The following TMOD1 variants were observed in gnomAD, a reference collection of about 807,000 sequenced individuals.
TMOD1 encodes tropomodulin-1.
In TMOD1, 17 loss-of-function variants were observed where a neutral mutation model predicts 40.6. The observed-to-expected ratio is 0.42, with a 90% CI of 0.29 to 0.63. The LOEUF (loss-of-function observed/expected upper bound fraction) is 0.63, where lower values mean the gene tolerates loss of function less well. Among genes scored for constraint, TMOD1 ranks in the 20% least tolerant of loss-of-function variants. The probability of loss-of-function intolerance (pLI) is 0.22; values close to 1 mark genes in which losing one functional copy is unlikely to be tolerated. For missense variants in TMOD1, 391 were observed against 447.6 expected (o/e 0.87, Z 1.14); for synonymous variants, 181 against 175.0 (o/e 1.03, Z -0.27).
rs1224872825 is a variant in TMOD1 at position 97,595,363 on chromosome 9, T to C, written c.1015+3928T>C. Among the ~76,000 whole-genome samples, 3 of 152,188 alleles carry C rather than the reference T, an allele frequency of 2.0e-5. No individual in the cohort carries two copies. In the East Asian group the frequency reaches 5.8e-4, roughly 29 times the overall value. On this transcript the variant is annotated intron_variant, in intron 9 of 9. Transcript: ENST00000259365. ...CTGAGATTTTTGTATCCTGTGGCCA[T>C]TATCTCCCCATTCCCCACCCACAGC...
At chr9:97,515,811 C>G (rs1458171388) in intron 1 of TMOD1, among the ~76,000 whole-genome samples, 1 of 152,030 alleles carries the variant, frequency 6.6e-6, no homozygotes, top group East Asian at 1.9e-4. Flanking sequence ...CAGTTCAGCT[C>G]TCTCCCTCTC....
intron 1 of TMOD1, among the ~76,000 whole-genome samples, chr9:97,506,191 A>C (rs1267912673): frequency 6.6e-6 from 1 of 152,114 alleles, no homozygotes; most frequent in Non-Finnish European, 1.5e-5. Flanking sequence ...AAAGTTCTTC[A>C]TTGATTTACC....
At chr9:97,597,248 G>A in intron 9 of TMOD1, among the ~76,000 whole-genome samples, 1 of 152,242 alleles carries the variant, frequency 6.6e-6, no homozygotes, top group East Asian at 1.9e-4. Context: ...GATATTGGGA[G>A]ACCCAGCTTT....
chr9:97,599,813 G>GTTCT lies in TMOD1; in HGVS notation c.*118_*121dup. The GTTCT allele has an allele frequency of 1.3e-6, 2 of 1,569,346 alleles. No homozygotes were observed. The highest frequency in any genetic ancestry group is 2.3e-5 in the South Asian group (2 of 87,518). On this transcript the variant is annotated 3_prime_UTR_variant, in exon 10 of 10. Coordinates refer to ENST00000259365, the MANE Select transcript of TMOD1 (RefSeq NM_003275.4). The stretch of plus-strand genomic sequence containing the variant: ...CAGCATGAAACCCTTTTGTGGTTCA[G>GTTCT]TTCTTTATGCACTAAGGTTTTAGGT...
chr9:97,599,777 C>CA lies in TMOD1; in HGVS notation c.*83dup. On this transcript the variant is annotated 3_prime_UTR_variant, in exon 10 of 10. Transcript: ENST00000259365. The stretch of plus-strand genomic sequence containing the variant: ...GTGCTCTGCAGGGGAAACCAGAAGG[C>CA]AAAATGCTGGCAGCATGAAACCCTT... 6.2e-7 allele frequency: 1 copy of CA among 1,606,720 alleles called. No individual in the cohort carries two copies. Among genetic ancestry groups the CA allele is most frequent in the African/African-American group, 1.3e-5 (1 of 74,904 alleles).
At chr9:97,548,875 G>C (rs1459545681) in intron 3 of TMOD1, among the ~76,000 whole-genome samples, 1 of 152,184 alleles carries the variant, frequency 6.6e-6, no homozygotes, top group South Asian at 2.1e-4. Flanking sequence ...GGAGGTCTCA[G>C]AGCCAGTGGG....
Position 97,538,778 on chromosome 9 carries a change from C to T in TMOD1, c.121-7407C>T, listed in dbSNP as rs551724193. 2.0e-4 allele frequency among the ~76,000 whole-genome samples: 31 copies of T among 151,424 alleles called. 1 individual carries two copies. The South Asian group carries it at 5.8e-3, about 29-fold the overall frequency. ...TTGGGAGGCCAAGGTGGGTGGATCACGAGATCAGGAGTTTGACACCAGCCT... is the reference window on the plus strand; with the variant it reads ...TTGGGAGGCCAAGGTGGGTGGATCATGAGATCAGGAGTTTGACACCAGCCT... On this transcript the variant is annotated intron_variant, in intron 2 of 9. Coordinates refer to ENST00000259365, the MANE Select transcript of TMOD1 (RefSeq NM_003275.4).
chr9:97,569,198 C>T (rs935539100), intron 8 of TMOD1, among the ~76,000 whole-genome samples, 161 bp downstream of exon 8: 7 of 152,184 alleles, frequency 4.6e-5, no homozygotes, highest in African/African-American at 7.2e-5. Context: ...CCCTCTACCA[C>T]GCTCACCTTC....
chr9:97,561,804 C>T (rs10982745), intron 4 of TMOD1, among the ~76,000 whole-genome samples: 28,877 of 152,186 alleles, frequency 0.19, 3,358 homozygotes, highest in Non-Finnish European at 0.25. Flanking sequence ...CTCTCTGAAC[C>T]TCGAGGCTTT....
At chr9:97,572,596 G>C (rs372854475) in intron 8 of TMOD1, among the ~76,000 whole-genome samples, 9 of 152,264 alleles carry the variant, frequency 5.9e-5, no homozygotes, top group African/African-American at 2.2e-4. Flanking sequence ...GCCCCAGGCT[G>C]GGGGGAGGCA....
At chr9:97,559,709 G>A (rs1377631943) in intron 4 of TMOD1, among the ~76,000 whole-genome samples, 4 of 145,328 alleles carry the variant, frequency 2.8e-5, no homozygotes, top group Admixed American at 1.4e-4. Flanking sequence ...AGGTTGCAGC[G>A]AGCCAAGATC....
intron 8 of TMOD1, among the ~76,000 whole-genome samples, chr9:97,582,165 T>C (rs1169581638): frequency 1.3e-5 from 2 of 151,920 alleles, no homozygotes; most frequent in South Asian, 2.1e-4. Context: ...CCATCTTGAA[T>C]TGATTTTTGT....
rs148416385 is a variant in TMOD1, at chr9:97,529,859, G to A, written c.120+5551G>A. On this transcript the variant is annotated intron_variant, in intron 2 of 9. Transcript: ENST00000259365. ...TACAGTTTTCATATGAGTAATAGACGCTCAATACTTCCTGGGTGTGCCATA... is the reference window on the plus strand; with the variant it reads ...TACAGTTTTCATATGAGTAATAGACACTCAATACTTCCTGGGTGTGCCATA... 1.4e-3 allele frequency among the ~76,000 whole-genome samples: 214 copies of A among 152,302 alleles called. 1 individual carries two copies. The highest frequency in any genetic ancestry group is 4.5e-3 in the African/African-American group (187 of 41,560).
chr9:97,551,366 G>A (rs4743105), intron 3 of TMOD1, among the ~76,000 whole-genome samples: 112,285 of 152,024 alleles, frequency 0.74, 42,099 homozygotes, highest in Middle Eastern at 0.87. Context: ...ATTCCATTTT[G>A]AGTTCAACTT....
intron 3 of TMOD1, among the ~76,000 whole-genome samples, chr9:97,548,803 C>G (rs541471547): frequency 2.0e-5 from 3 of 152,334 alleles, no homozygotes; most frequent in African/African-American, 7.2e-5. Context: ...TCATCGTCAT[C>G]ATCATCATCA....
In TMOD1 at chr9:97,600,339, ATTTCAAG is replaced by A; in HGVS notation, c.*648_*654del. On this transcript the variant is annotated 3_prime_UTR_variant, in exon 10 of 10. Transcript: ENST00000259365. Reference sequence around the variant, plus strand: ...TGATAGGAAAAAAACCAATGGTGAAATTTCAAGTTTCAAAAACCAACCTTTCATTACC... The same window carrying A: ...TGATAGGAAAAAAACCAATGGTGAAATTTCAAAAACCAACCTTTCATTACC... The A allele has an allele frequency of 1.0e-6, 1 of 986,142 alleles. No individual in the cohort carries two copies. Among genetic ancestry groups the A allele is most frequent in the Non-Finnish European group, 1.2e-6 (1 of 830,194 alleles). The allele number at this position is 986,142 out of a possible 1,614,324, so 61.1% of individuals were successfully genotyped here. A position where few individuals can be genotyped will look rare whatever the true frequency, so the allele number is the denominator to read the frequency against.
intron 4 of TMOD1, among the ~76,000 whole-genome samples, chr9:97,558,679 A>G (rs1419848447): frequency 6.6e-6 from 1 of 152,126 alleles, no homozygotes; most frequent in Non-Finnish European, 1.5e-5. Context: ...CCTGGCCTCA[A>G]GAGATCCACC....
At chr9:97,530,787 CT>C (rs57086657) in intron 2 of TMOD1, among the ~76,000 whole-genome samples, 1,569 of 90,868 alleles carry the variant, frequency 0.017, 12 homozygotes, top group Non-Finnish European at 0.024. Context: ...CCGGGCCCGG[CT>C]TTTTTTTTTT....
chr9:97,580,117 G>A (rs938957752), intron 8 of TMOD1, among the ~76,000 whole-genome samples: 1 of 152,178 alleles, frequency 6.6e-6, no homozygotes, highest in African/African-American at 2.4e-5. Flanking sequence ...GGCTTAGTGA[G>A]GGAATGAGCT....
Sources: gnomAD v4.1 joint callset for allele counts (sites outside exome capture counted in the v4.1 genomes callset) on GRCh38, gnomAD v4.1.1 for gene constraint, MANE v1.5 for transcripts, NCBI Gene and HGNC (gene_info 2026-07-23, HGNC 2026-07-21) for gene names.